STK32B: variants seen among roughly 807,000 people sequenced by gnomAD.
STK32B encodes serine/threonine kinase 32B.
STK32B carries 43 observed loss-of-function variants against 52.6 expected under a neutral mutation model. The ratio of observed to expected loss-of-function variants is 0.82; its 90% CI spans 0.64 to 1.05. The LOEUF (loss-of-function observed/expected upper bound fraction) is 1.05, where lower values mean the gene tolerates loss of function less well. Among genes scored for constraint, STK32B ranks in the 50% least tolerant of loss-of-function variants. The pLI, the probability that STK32B is intolerant of heterozygous loss-of-function variation, is 0.00. For synonymous variants in STK32B, 238 were observed against 204.3 expected, an observed-to-expected ratio of 1.17 and a Z score of -1.41; for missense variants, 621 against 534.6, an observed-to-expected ratio of 1.16 and a Z score of -1.59.
chr4:5,291,597 CAG>C (rs1728894700), intron 3 of STK32B, among the ~76,000 whole-genome samples: 1 of 152,068 alleles, frequency 6.6e-6, no homozygotes, highest in Non-Finnish European at 1.5e-5. Context: ...AATTTTTCAT[CAG>C]AGATAGTTTT....
chr4:5,105,765 G>T (rs1322085971), intron 1 of STK32B, among the ~76,000 whole-genome samples: 3 of 151,598 alleles, frequency 2.0e-5, no homozygotes, highest in South Asian at 4.2e-4. Flanking sequence ...GGGTTTCACT[G>T]TGTTAGCCAG....
intron 11 of STK32B, among the ~76,000 whole-genome samples, chr4:5,479,802 TC>T (rs1560448689): frequency 6.6e-6 from 1 of 152,326 alleles, no homozygotes; most frequent in East Asian, 1.9e-4. Flanking sequence ...GTATGTGTCC[TC>T]CCACAGCTTT....
intron 3 of STK32B, among the ~76,000 whole-genome samples, chr4:5,311,747 C>G (rs960363526): frequency 2.0e-5 from 3 of 152,114 alleles, no homozygotes; most frequent in East Asian, 1.9e-4. Context: ...AAAATGAACA[C>G]TCCTATATCT....
intron 4 of STK32B, among the ~76,000 whole-genome samples, chr4:5,385,288 G>A (rs1438036295): frequency 6.6e-6 from 1 of 152,088 alleles, no homozygotes; most frequent in East Asian, 1.9e-4. Flanking sequence ...AAGAAGGTCT[G>A]GGTGTCAGGG....
At chr4:5,430,377 G>T (rs975525851) in intron 6 of STK32B, among the ~76,000 whole-genome samples, 3 of 152,034 alleles carry the variant, frequency 2.0e-5, no homozygotes, top group African/African-American at 4.8e-5. Flanking sequence ...TTTATCTCTG[G>T]CACTATGTTT....
At chr4:5,032,476 C>CAAAAA in the STK32B span, among the ~76,000 whole-genome samples, 116 of 49,596 alleles carry the variant, frequency 2.3e-3, no homozygotes, top group Admixed American at 4.7e-3. Context: ...GACTCCATCT[C>CAAAAA]AAAAAAAAAA....
At chr4:5,297,823 GC>G (rs146455563) in intron 3 of STK32B, among the ~76,000 whole-genome samples, 5,107 of 152,090 alleles carry the variant, frequency 0.034, 265 homozygotes, top group African/African-American at 0.11. Context: ...TTGCTCCCTG[GC>G]TGGCAAGGAG....
chr4:5,407,092 A>G (rs1737731843), intron 5 of STK32B, among the ~76,000 whole-genome samples: 1 of 152,124 alleles, frequency 6.6e-6, no homozygotes, highest in Non-Finnish European at 1.5e-5. Context: ...CACATCTTGA[A>G]CATTTTGCTG....
intron 3 of STK32B, among the ~76,000 whole-genome samples, chr4:5,304,973 C>T (rs7699493): frequency 0.2 from 30,799 of 151,842 alleles, 6,414 homozygotes; most frequent in African/African-American, 0.53. Flanking sequence ...TAATTCTGTT[C>T]ATGTAGTGTA....
chr4:5,302,364 CT>C (rs1263568157), intron 3 of STK32B, among the ~76,000 whole-genome samples: 1 of 151,834 alleles, frequency 6.6e-6, no homozygotes, highest in African/African-American at 2.4e-5. Flanking sequence ...ATTATTAGTT[CT>C]TTTAACATCC....
chr4:5,253,321 C>T (rs981937571), intron 3 of STK32B, among the ~76,000 whole-genome samples: 1 of 152,048 alleles, frequency 6.6e-6, no homozygotes, highest in East Asian at 1.9e-4. Context: ...TGGGCAAAGG[C>T]GATTACTTTT....
intron 4 of STK32B, among the ~76,000 whole-genome samples, chr4:5,374,958 G>C (rs1337651982): frequency 6.6e-6 from 1 of 152,178 alleles, no homozygotes; most frequent in Non-Finnish European, 1.5e-5. Context: ...GGAGATACTA[G>C]AGTCCAATTG....
intron 3 of STK32B, among the ~76,000 whole-genome samples, chr4:5,172,353 G>A (rs1304390120): frequency 6.6e-6 from 1 of 152,164 alleles, no homozygotes; most frequent in Non-Finnish European, 1.5e-5. Context: ...ATGTTGAATA[G>A]GAGTGGTGAG....
intron 3 of STK32B, among the ~76,000 whole-genome samples, chr4:5,314,213 A>C (rs906535177): frequency 2.0e-5 from 3 of 152,218 alleles, no homozygotes; most frequent in African/African-American, 7.2e-5. Flanking sequence ...GCATAGGAAC[A>C]GACACATAGA....
chr4:5,194,297 T>C (rs577356893), intron 3 of STK32B, among the ~76,000 whole-genome samples: 1 of 152,120 alleles, frequency 6.6e-6, no homozygotes, highest in Non-Finnish European at 1.5e-5. Flanking sequence ...ATGTATGTTA[T>C]GTTGAATTAG....
intron 9 of STK32B, among the ~76,000 whole-genome samples, chr4:5,463,147 A>G (rs901565329): frequency 2.6e-5 from 4 of 152,238 alleles, no homozygotes; most frequent in African/African-American, 9.6e-5. Context: ...TTCCTAATGC[A>G]CATTTTGGAC....
At chr4:5,236,129 A>G (rs1724615810) in intron 3 of STK32B, among the ~76,000 whole-genome samples, 1 of 152,144 alleles carries the variant, frequency 6.6e-6, no homozygotes, top group Non-Finnish European at 1.5e-5. Flanking sequence ...CTTTCAAGGT[A>G]GCATAGCTTG....
intron 11 of STK32B, among the ~76,000 whole-genome samples, chr4:5,477,717 A>G (rs1202789242): frequency 6.6e-6 from 1 of 152,156 alleles, no homozygotes; most frequent in Non-Finnish European, 1.5e-5. Flanking sequence ...GCCCTTGGGA[A>G]TTACACGCTC....
intron 3 of STK32B, among the ~76,000 whole-genome samples, chr4:5,183,223 A>G (rs1331995285): frequency 6.6e-6 from 1 of 152,128 alleles, no homozygotes; most frequent in Non-Finnish European, 1.5e-5. Context: ...CACGCCTGTA[A>G]TCCCAGCACA....
Sources: allele counts gnomAD v4.1 joint callset (sites outside exome capture counted in the v4.1 genomes callset), GRCh38; gene constraint gnomAD v4.1.1; transcripts MANE v1.5; gene names NCBI Gene and HGNC (gene_info 2026-07-23, HGNC 2026-07-21).